IGSF10: variants seen among roughly 807,000 people sequenced by gnomAD.
IGSF10 encodes calvaria mechanical force protein 608.
A neutral mutation model predicts 128.2 loss-of-function variants in IGSF10; 126 were observed. That is an observed-to-expected ratio of 0.98 (90% confidence interval 0.85 to 1.14). The LOEUF (loss-of-function observed/expected upper bound fraction) is 1.14. Among genes scored for constraint, IGSF10 ranks in the 50% most tolerant of loss-of-function variants. The probability of loss-of-function intolerance (pLI) is 0.00; values close to 1 mark genes in which losing one functional copy is unlikely to be tolerated. For missense variants in IGSF10, 3,295 were observed against 3,149.8 expected, an observed-to-expected ratio of 1.05 and a Z score of -1.10; for synonymous variants, 1,185 against 1,146.2, an observed-to-expected ratio of 1.03 and a Z score of -0.68.
At chr3:151,614,612 A>C in the IGSF10 span, among the ~76,000 whole-genome samples, 3 of 151,520 alleles carry the variant, frequency 2.0e-5, no homozygotes, top group African/African-American at 7.2e-5. Context: ...ATAGGTGGGA[A>C]TTGAACAATG....
chr3:151,563,982 G>A, the IGSF10 span, among the ~76,000 whole-genome samples: 3 of 152,166 alleles, frequency 2.0e-5, no homozygotes, highest in African/African-American at 7.2e-5. Context: ...TATTCACCCA[G>A]CAAGAGGCAG....
the IGSF10 span, among the ~76,000 whole-genome samples, chr3:151,539,036 G>A: frequency 1.3e-5 from 2 of 152,170 alleles, no homozygotes; most frequent in African/African-American, 2.4e-5. Context: ...ACTGGAAGAG[G>A]AACAAAAATT....
At chr3:151,568,025 C>T in the IGSF10 span, among the ~76,000 whole-genome samples, 1 of 152,128 alleles carries the variant, frequency 6.6e-6, no homozygotes, top group East Asian at 1.9e-4. Context: ...GCCTCTCTCT[C>T]TGTTTTCTTC....
In IGSF10 at chr3:151,447,190, C is replaced by T. The variant is rs1721246935; in HGVS notation, c.2791G>A (p.Val931Ile). Residue 931 changes from valine to isoleucine, a missense_variant, in exon 6 of 8, where the codon GTC (valine) becomes ATC (isoleucine). Coordinates refer to ENST00000282466, the MANE Select transcript of IGSF10 (RefSeq NM_178822.5). ...GTGCTACTAAGCATTTTGACATTGA[C>T]ATCTTTGATCATAGTCCTTACTGTT... Reference protein sequence around the residue: ...PITVRTMIKDVNVKMLSSTTN... With the variant: ...PITVRTMIKDINVKMLSSTTN... 2 of 1,614,088 alleles carry T rather than the reference C, an allele frequency of 1.2e-6. No individual in the cohort carries two copies. The highest frequency in any genetic ancestry group is 1.7e-5 in the Admixed American group (1 of 60,006).
chr3:151,449,293 A>G, intron 5 of IGSF10, 28 bp from the exon 6 acceptor site: 1 of 1,518,158 alleles, frequency 6.6e-7, no homozygotes, highest in Non-Finnish European at 8.8e-7. Flanking sequence ...TTGAATTATC[A>G]GTTGTGACCT....
chr3:151,445,065 GA>G lies in IGSF10; in HGVS notation c.4915del (p.Ser1639LeufsTer12), dbSNP rs753873497. On this transcript the variant is annotated frameshift_variant, in exon 6 of 8. Coordinates refer to ENST00000282466, the MANE Select transcript of IGSF10 (RefSeq NM_178822.5). LOFTEE classifies it high-confidence loss of function. ...ATTSKLLPFD[S>X]LSRYIFEKPR... ...CTTTTCAAATATATACCTAGACAAA[GA>G]GTCAAAGGGAAGGAGTTTGGAAGTT... 1.2e-6 allele frequency: 2 copies of G among 1,614,190 alleles called. No homozygotes were observed. The highest frequency in any genetic ancestry group is 1.7e-6 in the Non-Finnish European group (2 of 1,180,026).
the IGSF10 span, among the ~76,000 whole-genome samples, chr3:151,601,428 C>T: frequency 6.6e-6 from 1 of 152,092 alleles, no homozygotes; most frequent in South Asian, 2.1e-4. Flanking sequence ...AAATAAAGTA[C>T]ACACGCACAC....
At chr3:151,520,366 G>C in the IGSF10 span, among the ~76,000 whole-genome samples, 3 of 151,802 alleles carry the variant, frequency 2.0e-5, no homozygotes, top group Non-Finnish European at 4.4e-5. Flanking sequence ...TGCAGTTTAA[G>C]AGAATGAAAG....
the IGSF10 span, among the ~76,000 whole-genome samples, chr3:151,615,213 T>C: frequency 2.0e-5 from 3 of 152,118 alleles, no homozygotes; most frequent in South Asian, 2.1e-4. Context: ...ATTTATAAGA[T>C]TGAATGTCAA....
chr3:151,497,678 T>A, the IGSF10 span, among the ~76,000 whole-genome samples: 31 of 152,324 alleles, frequency 2.0e-4, no homozygotes, highest in East Asian at 5.8e-3. Flanking sequence ...TGGTTCCATA[T>A]GAACTTTAAA....
At chr3:151,433,837 G>A (rs1412525751), downstream of IGSF10, 5 of 152,600 alleles carry the variant, frequency 3.3e-5, no homozygotes, top group Non-Finnish European at 7.3e-5. Context: ...ATTACTGTCA[G>A]TGTCAGTCTT....
the IGSF10 span, among the ~76,000 whole-genome samples, chr3:151,542,837 T>C: frequency 6.6e-6 from 1 of 152,214 alleles, no homozygotes; most frequent in Admixed American, 6.5e-5. Context: ...CTTGTTAAAA[T>C]CACATGTTTT....
the IGSF10 span, among the ~76,000 whole-genome samples, chr3:151,556,896 T>C: frequency 6.6e-6 from 1 of 152,198 alleles, no homozygotes; most frequent in Admixed American, 6.6e-5. Flanking sequence ...GATAACCATT[T>C]CTCTGGTCAT....
At chr3:151,508,081 TA>T in the IGSF10 span, among the ~76,000 whole-genome samples, 1 of 152,120 alleles carries the variant, frequency 6.6e-6, no homozygotes, top group African/African-American at 2.4e-5. Context: ...TACTAAGCAT[TA>T]AAAACTACTA....
At chr3:151,500,539 C>G in the IGSF10 span, among the ~76,000 whole-genome samples, 1 of 152,084 alleles carries the variant, frequency 6.6e-6, no homozygotes, top group Non-Finnish European at 1.5e-5. Context: ...AATGGCCAGA[C>G]ATGGCACATA....
upstream of IGSF10, among the ~76,000 whole-genome samples, chr3:151,461,662 T>C (rs145092265): frequency 2.3e-4 from 35 of 152,340 alleles, no homozygotes; most frequent in East Asian, 6.6e-3. Flanking sequence ...TTATTAACTA[T>C]AGTCCTCTTG....
chr3:151,506,403 A>C, the IGSF10 span, among the ~76,000 whole-genome samples: 10 of 152,336 alleles, frequency 6.6e-5, no homozygotes, highest in African/African-American at 2.2e-4. Flanking sequence ...CACCCTGTTA[A>C]ACTCAAATAC....
At chr3:151,586,271 T>C in the IGSF10 span, among the ~76,000 whole-genome samples, 1 of 152,208 alleles carries the variant, frequency 6.6e-6, no homozygotes, top group Admixed American at 6.5e-5. Flanking sequence ...ATATTAACTT[T>C]TTCATGGACA....
intron 4 of IGSF10, among the ~76,000 whole-genome samples, chr3:151,456,492 T>C (rs754598552): frequency 6.6e-6 from 1 of 152,254 alleles, no homozygotes. Context: ...ATGCATTTCC[T>C]CATGTTCCCT....
Sources: gnomAD v4.1 joint callset for allele counts (sites outside exome capture counted in the v4.1 genomes callset) on GRCh38, gnomAD v4.1.1 for gene constraint, MANE v1.5 for transcripts, NCBI Gene and HGNC (gene_info 2026-07-23, HGNC 2026-07-21) for gene names.